The following GPN3 variants were observed in gnomAD, a reference collection of about 807,000 sequenced individuals.
GPN3 encodes the protein ATP-binding domain 1 family member C.
Under a neutral mutation model 38.7 loss-of-function variants are expected in GPN3, and 31 were observed. The ratio of observed to expected loss-of-function variants is 0.80; its 90% CI spans 0.60 to 1.08. The LOEUF is 1.08. Among genes scored for constraint, GPN3 ranks in the 50% least tolerant of loss-of-function variants. The probability of loss-of-function intolerance (pLI) is 0.00; values close to 1 mark genes in which losing one functional copy is unlikely to be tolerated. For missense variants in GPN3, 301 were observed against 354.4 expected (o/e 0.85, Z 1.21); for synonymous variants, 116 against 120.2 (o/e 0.96, Z 0.23).
At position 110,452,645 on chromosome 12, in the gene GPN3, T is replaced by C. The variant is rs1241382684; in HGVS notation, c.*389A>G. 1 of 204,160 alleles carries C rather than the reference T, an allele frequency of 4.9e-6. No homozygotes were observed. Among genetic ancestry groups the C allele is most frequent in the African/African-American group, 2.4e-5 (1 of 41,892 alleles). 12.6% of individuals were successfully genotyped at this position (204,160 alleles called of 1,614,324 possible). On this transcript the variant is annotated 3_prime_UTR_variant, in exon 8 of 8. Coordinates refer to ENST00000228827, the MANE Select transcript of GPN3 (RefSeq NM_016301.4). The stretch of plus-strand genomic sequence containing the variant: ...AAGATACAGATAAGCAGTGGTCTTA[T>C]ATATATCCTTGCAGCTTTTTCCCTT...
intron 2 of GPN3, among the ~76,000 whole-genome samples, chr12:110,464,535 C>T (rs928143953): frequency 6.6e-6 from 1 of 150,792 alleles, no homozygotes; most frequent in Non-Finnish European, 1.5e-5. Context: ...TTCACTACAG[C>T]AGGACTAAGG....
In GPN3 at chr12:110,452,829, CTGTTA is replaced by C. The variant is rs2062521507; in HGVS notation, c.*200_*204del. The C allele has an allele frequency of 2.0e-6, 1 of 492,870 alleles. No individual in the cohort carries two copies. Among genetic ancestry groups the C allele is most frequent in the Non-Finnish European group, 3.6e-6 (1 of 274,216 alleles). 30.5% of individuals were successfully genotyped at this position (492,870 alleles called of 1,614,324 possible). A position where few individuals can be genotyped will look rare whatever the true frequency, so the allele number is the denominator to read the frequency against. On this transcript the variant is annotated 3_prime_UTR_variant, in exon 8 of 8. Coordinates refer to ENST00000228827, the MANE Select transcript of GPN3 (RefSeq NM_016301.4). ...TTGACTTACAAAATCTAAAGTGATGCTGTTATAATACTAAAAGATTCCACTTTAAA... is the reference window on the plus strand; with the variant it reads ...TTGACTTACAAAATCTAAAGTGATGCTAATACTAAAAGATTCCACTTTAAA...
chr12:110,460,409 G>A (rs1237069745), intron 2 of GPN3, among the ~76,000 whole-genome samples: 1 of 151,918 alleles, frequency 6.6e-6, no homozygotes, highest in African/African-American at 2.4e-5. Context: ...TTCCAAAAAA[G>A]TACAAAACCA....
intron 1 of GPN3, among the ~76,000 whole-genome samples, chr12:110,466,558 G>A (rs1365644665): frequency 6.6e-6 from 1 of 151,830 alleles, no homozygotes; most frequent in Non-Finnish European, 1.5e-5. Flanking sequence ...GAGTGCAGTG[G>A]CACCATCATA....
At chr12:110,465,693 A>C (rs1489397744) in intron 1 of GPN3, among the ~76,000 whole-genome samples, 2 of 152,210 alleles carry the variant, frequency 1.3e-5, no homozygotes, top group African/African-American at 2.4e-5. Context: ...AAAGAACGCC[A>C]AGATCAATAA....
chr12:110,468,332 T>C, upstream of GPN3: 1 of 1,557,928 alleles, frequency 6.4e-7, no homozygotes, highest in Non-Finnish European at 8.6e-7. Context: ...CCACACCTCC[T>C]ACTACGGGGC....
intron 1 of GPN3, among the ~76,000 whole-genome samples, chr12:110,466,416 G>C (rs1392240110): frequency 6.6e-6 from 1 of 151,738 alleles, no homozygotes; most frequent in Non-Finnish European, 1.5e-5. Flanking sequence ...ATAGACTATA[G>C]AAAAAACATC....
chr12:110,456,060 T>C, intron 4 of GPN3, 130 bp from the exon 5 acceptor site: 2 of 604,008 alleles, frequency 3.3e-6, no homozygotes, highest in African/African-American at 3.7e-5. Flanking sequence ...CTGGACGTGG[T>C]GGCTCATGCC....
chr12:110,467,866 C>T (rs192359032), intron 1 of GPN3, among the ~76,000 whole-genome samples: 79 of 152,146 alleles, frequency 5.2e-4, no homozygotes, highest in African/African-American at 1.8e-3. Context: ...TTCTGTATCT[C>T]GTTTTCTGTA....
chr12:110,466,243 C>T (rs918142032), intron 1 of GPN3, among the ~76,000 whole-genome samples: 2 of 152,108 alleles, frequency 1.3e-5, no homozygotes, highest in African/African-American at 2.4e-5. Flanking sequence ...AAGATAAGCT[C>T]CACAAGGGCA....
intron 1 of GPN3, 161 bp downstream of exon 1, chr12:110,467,995 A>G: frequency 9.6e-7 from 1 of 1,042,572 alleles, no homozygotes; most frequent in Non-Finnish European, 1.5e-6. Context: ...TTTCCCTTTC[A>G]AAACAACAAC....
chr12:110,460,473 T>G (rs1592964423), intron 2 of GPN3, among the ~76,000 whole-genome samples: 2 of 152,188 alleles, frequency 1.3e-5, no homozygotes, highest in African/African-American at 4.8e-5. Context: ...GGAAACTATT[T>G]CACCTCCTTG....
upstream of GPN3, chr12:110,468,656 C>T (rs1178150275): frequency 6.5e-7 from 1 of 1,536,866 alleles, no homozygotes; most frequent in Non-Finnish European, 8.7e-7. Flanking sequence ...CCTCCTGTGA[C>T]GCACTGCTTC....
intron 6 of GPN3, among the ~76,000 whole-genome samples, chr12:110,455,066 C>T (rs990092638): frequency 4.0e-5 from 6 of 151,562 alleles, no homozygotes; most frequent in African/African-American, 1.5e-4. Context: ...TCAGGTGATC[C>T]ACCCACCTCG....
chr12:110,460,298 G>A (rs751481375), intron 2 of GPN3, among the ~76,000 whole-genome samples: 3 of 152,154 alleles, frequency 2.0e-5, no homozygotes, highest in Non-Finnish European at 4.4e-5. Context: ...GCCAGGGAGG[G>A]GAGCTGATTG....
intron 6 of GPN3, among the ~76,000 whole-genome samples, chr12:110,455,089 G>A (rs945891807): frequency 6.6e-6 from 1 of 151,594 alleles, no homozygotes; most frequent in African/African-American, 2.4e-5. Flanking sequence ...CTCCCAAAGA[G>A]CTGGGATTAC....
intron 2 of GPN3, 52 bp downstream of exon 2, chr12:110,465,054 C>T: frequency 1.1e-6 from 1 of 930,294 alleles, no homozygotes; most frequent in African/African-American, 1.6e-5. Flanking sequence ...CTCACTGCCT[C>T]CCCAGCCCTT....
At chr12:110,464,193 G>A (rs1006690044) in intron 2 of GPN3, among the ~76,000 whole-genome samples, 1 of 151,972 alleles carries the variant, frequency 6.6e-6, no homozygotes, top group African/African-American at 2.4e-5. Context: ...TCAGCCTGAG[G>A]AGCATATTAC....
At chr12:110,459,641 G>T in intron 3 of GPN3, 54 bp downstream of exon 3, 1 of 1,185,982 alleles carries the variant, frequency 8.4e-7, no homozygotes, top group South Asian at 1.3e-5. Flanking sequence ...CTCCTACTAA[G>T]GATGGAACTA....
Sources: allele counts gnomAD v4.1 joint callset (sites outside exome capture counted in the v4.1 genomes callset), GRCh38; gene constraint gnomAD v4.1.1; transcripts MANE v1.5; gene names NCBI Gene and HGNC (gene_info 2026-07-23, HGNC 2026-07-21).